The following SESTD1 variants were observed in gnomAD, a reference collection of about 807,000 sequenced individuals.
SESTD1 encodes SEC14 and spectrin domain containing 1.
Under a neutral mutation model 101.7 loss-of-function variants are expected in SESTD1, and 43 were observed. The observed-to-expected ratio is 0.42, with a 90% CI of 0.33 to 0.55. SESTD1 has a LOEUF of 0.55. Ranked by LOEUF, SESTD1 falls within the 20% of genes least tolerant of loss-of-function variation. The pLI is 0.07. For synonymous variants in SESTD1, 283 were observed against 286.8 expected, an observed-to-expected ratio of 0.99 and a Z score of 0.13; for missense variants, 647 against 815.1, an observed-to-expected ratio of 0.79 and a Z score of 2.51.
chr2:179,251,507 C>T (rs1357374175), intron 1 of SESTD1, among the ~76,000 whole-genome samples: 1 of 152,168 alleles, frequency 6.6e-6, no homozygotes, highest in Non-Finnish European at 1.5e-5. Context: ...TGCTCCAACA[C>T]CAGTGCTTCC....
intron 1 of SESTD1, among the ~76,000 whole-genome samples, chr2:179,209,507 A>C (rs1391186417): frequency 7.4e-6 from 1 of 135,274 alleles, no homozygotes; most frequent in Non-Finnish European, 1.6e-5. Flanking sequence ...AACAAACTGA[A>C]ATTATATCAA....
intron 1 of SESTD1, among the ~76,000 whole-genome samples, chr2:179,205,760 T>C (rs1279393744): frequency 7.4e-6 from 1 of 135,076 alleles, no homozygotes; most frequent in Non-Finnish European, 1.6e-5. Flanking sequence ...TCAAATGAAC[T>C]GATAGATAAA....
intron 5 of SESTD1, among the ~76,000 whole-genome samples, chr2:179,165,106 G>A (rs1314510505): frequency 6.6e-6 from 1 of 152,084 alleles, no homozygotes; most frequent in Non-Finnish European, 1.5e-5. Context: ...CCTTAAAGCC[G>A]GGTTTGCCTG....
At chr2:179,205,846 T>C (rs954090675) in intron 1 of SESTD1, among the ~76,000 whole-genome samples, 2 of 134,272 alleles carry the variant, frequency 1.5e-5, no homozygotes, top group Admixed American at 7.2e-5. Context: ...CTCCTTTCCA[T>C]CAATCTCTTT....
chr2:179,109,597 C>G lies in SESTD1; in HGVS notation c.*302G>C. The stretch of plus-strand genomic sequence containing the variant: ...AATTCCTACTCTTATTAGCACCATT[C>G]AAAGCTTATTATCAGTTGTTTGTCT... On this transcript the variant is annotated 3_prime_UTR_variant, in exon 18 of 18. Coordinates refer to ENST00000428443, the MANE Select transcript of SESTD1 (RefSeq NM_178123.5). The G allele has an allele frequency of 2.3e-6, 1 of 431,640 alleles. No homozygotes were observed. The highest frequency in any genetic ancestry group is 4.1e-6 in the Non-Finnish European group (1 of 245,148). The allele number at this position is 431,640 out of a possible 1,614,324, so 26.7% of individuals were successfully genotyped here. A position where few individuals can be genotyped will look rare whatever the true frequency, so the allele number is the denominator to read the frequency against.
At chr2:179,186,924 T>TCTCAGGAGAAACATTATAAGCCAAAAAG (rs1559135101) in intron 2 of SESTD1, among the ~76,000 whole-genome samples, 1 of 152,150 alleles carries the variant, frequency 6.6e-6, no homozygotes, top group Non-Finnish European at 1.5e-5. Context: ...ACAGTGGACT[T>TCTCAGGAGAAACATTATAAGCCAAAAAG]CTCAGGAGAA....
intron 3 of SESTD1, among the ~76,000 whole-genome samples, chr2:179,177,249 A>G (rs2105479881): frequency 6.6e-6 from 1 of 152,330 alleles, no homozygotes; most frequent in East Asian, 1.9e-4. Context: ...TTCTGGAGGG[A>G]AAAACTCCAT....
chr2:179,232,992 T>C (rs1046109976), intron 1 of SESTD1, among the ~76,000 whole-genome samples: 3 of 152,170 alleles, frequency 2.0e-5, no homozygotes, highest in African/African-American at 7.2e-5. Context: ...GTTCTGACTT[T>C]TGGAACCATG....
chr2:179,178,071 G>C (rs1383381977), intron 3 of SESTD1, among the ~76,000 whole-genome samples: 1 of 152,190 alleles, frequency 6.6e-6, no homozygotes, highest in Non-Finnish European at 1.5e-5. Flanking sequence ...GTGCCAATGG[G>C]AACACAGTTT....
rs1189410216 is a variant in SESTD1 at position 179,104,308 on chromosome 2, T to C, written c.*5591A>G. ...TCACCTTTACAAAATACAATACATA[T>C]ATTTTGATGATATATTCTGAGCAAA... On this transcript the variant is annotated 3_prime_UTR_variant, in exon 18 of 18. Transcript: ENST00000428443. 6.6e-6 allele frequency: 1 copy of C among 152,148 alleles called. No individual in the cohort carries two copies. The highest frequency in any genetic ancestry group is 1.5e-5 in the Non-Finnish European group (1 of 68,028). 9.4% of individuals were successfully genotyped at this position (152,148 alleles called of 1,614,324 possible).
At chr2:179,110,906 T>C (rs2044491406) in intron 17 of SESTD1, among the ~76,000 whole-genome samples, 2 of 152,032 alleles carry the variant, frequency 1.3e-5, no homozygotes, top group Admixed American at 1.3e-4. Flanking sequence ...ATATTAAAGG[T>C]GGGTGTGAAC....
chr2:179,230,739 G>C (rs1161015954), intron 1 of SESTD1, among the ~76,000 whole-genome samples: 4 of 151,522 alleles, frequency 2.6e-5, no homozygotes, highest in Non-Finnish European at 5.9e-5. Flanking sequence ...AGAAGAAAAA[G>C]AAAATATTAG....
rs1220937854 is a variant in SESTD1, at chr2:179,213,689, A to G, written c.-25-21823T>C. ...CTCAACAAGAGCAACCCAAAGACAC[A>G]TAACTGTCAGATTCACCAAGGTTGA... On this transcript the variant is annotated intron_variant, in intron 1 of 17. Transcript: ENST00000428443. Among the ~76,000 whole-genome samples the G allele has an allele frequency of 1.5e-5, 2 of 135,170 alleles. 1 individual carries two copies. The highest frequency in any genetic ancestry group is 5.8e-5 in the African/African-American group (2 of 34,202). The allele number at this position is 135,170 out of a possible 152,430, so 88.7% of individuals were successfully genotyped here. A position where few individuals can be genotyped will look rare whatever the true frequency, so the allele number is the denominator to read the frequency against.
intron 1 of SESTD1, among the ~76,000 whole-genome samples, chr2:179,231,045 A>C (rs1412090948): frequency 2.0e-5 from 3 of 152,184 alleles, no homozygotes; most frequent in Non-Finnish European, 4.4e-5. Context: ...AAAAAGGGAA[A>C]GTGTGAACCA....
In SESTD1 at chr2:179,175,858, T is replaced by C. The variant is rs181827762; in HGVS notation, c.255+590A>G. On this transcript the variant is annotated intron_variant, in intron 4 of 17. Transcript: ENST00000428443. ...TAAAACACAAGACTGGCATCAGATC[T>C]CAAAAAGTTTGTAATCGTAGATGTT... 4.6e-3 allele frequency among the ~76,000 whole-genome samples: 700 copies of C among 152,328 alleles called. 4 individuals carry two copies. Among genetic ancestry groups the C allele is most frequent in the Non-Finnish European group, 6.2e-3 (423 of 68,030 alleles).
At chr2:179,240,773 T>A (rs1190442632) in intron 1 of SESTD1, among the ~76,000 whole-genome samples, 2 of 151,514 alleles carry the variant, frequency 1.3e-5, no homozygotes, top group Non-Finnish European at 2.9e-5. Context: ...CCCTCAGGAG[T>A]GTGAAGTGAG....
chr2:179,154,184 T>C (rs896227409), intron 5 of SESTD1, among the ~76,000 whole-genome samples: 3 of 150,648 alleles, frequency 2.0e-5, no homozygotes, highest in Non-Finnish European at 4.4e-5. Context: ...GGAGCTATTA[T>C]TGCACCACTG....
chr2:179,225,387 C>A (rs1260041627), intron 1 of SESTD1, among the ~76,000 whole-genome samples: 1 of 151,594 alleles, frequency 6.6e-6, no homozygotes, highest in African/African-American at 2.4e-5. Context: ...TAATAAAAGT[C>A]TTTGACATCC....
intron 9 of SESTD1, among the ~76,000 whole-genome samples, chr2:179,140,475 A>G (rs2045253907): frequency 6.6e-6 from 1 of 152,178 alleles, no homozygotes; most frequent in Non-Finnish European, 1.5e-5. Flanking sequence ...GGAACAGAGC[A>G]TTCCCTCACG....
Sources: gnomAD v4.1 joint callset for allele counts (sites outside exome capture counted in the v4.1 genomes callset) on GRCh38, gnomAD v4.1.1 for gene constraint, MANE v1.5 for transcripts, NCBI Gene and HGNC (gene_info 2026-07-23, HGNC 2026-07-21) for gene names.